Variants in USP40 observed in about 807,000 individuals in gnomAD.
USP40 encodes ubiquitin carboxyl-terminal hydrolase 40.
USP40 carries 143 observed loss-of-function variants against 166.2 expected under a neutral mutation model. The ratio of observed to expected loss-of-function variants is 0.86; its 90% CI spans 0.75 to 0.99. The LOEUF is 0.99. Among genes scored for constraint, USP40 ranks in the 50% least tolerant of loss-of-function variants. The pLI, the probability that USP40 is intolerant of heterozygous loss-of-function variation, is 0.00. For missense variants in USP40, 1,444 were observed against 1,479.7 expected (o/e 0.98, Z 0.40); for synonymous variants, 498 against 524.0 (o/e 0.95, Z 0.68).
chr2:233,511,819 T>G (rs757271913), intron 19 of USP40, 22 bp from the exon 20 acceptor site: 1 of 1,557,538 alleles, frequency 6.4e-7, no homozygotes. Context: ...TTTGATAATA[T>G]GATGAAGGTT....
At chr2:233,538,727 G>C (rs759973889) in intron 10 of USP40, among the ~76,000 whole-genome samples, 8 of 152,124 alleles carry the variant, frequency 5.3e-5, no homozygotes, top group Non-Finnish European at 1.2e-4. Flanking sequence ...CAGAGATAAA[G>C]ACAAGCATTT....
chr2:233,480,949 C>G lies in USP40; in HGVS notation c.3599+254G>C, dbSNP rs2064539826. Reference sequence around the variant, plus strand: ...AGGAGGAAGGAGGGGGACCGGGGGGCCATGGATCTGCGGGCTCCTCATCGT... The same window carrying G: ...AGGAGGAAGGAGGGGGACCGGGGGGGCATGGATCTGCGGGCTCCTCATCGT... On this transcript the variant is annotated intron_variant, in intron 31 of 31. Transcript: ENST00000678225. The surrounding 1 kb of genome is among the most constrained non-coding windows in gnomAD (Gnocchi z 4.5). Among the ~76,000 whole-genome samples the G allele has an allele frequency of 6.6e-6, 1 of 152,110 alleles. No homozygotes were observed. Among genetic ancestry groups the G allele is most frequent in the African/African-American group, 2.4e-5 (1 of 41,398 alleles).
intron 11 of USP40, among the ~76,000 whole-genome samples, chr2:233,531,805 A>G (rs1217602314): frequency 1.3e-5 from 2 of 152,220 alleles, no homozygotes; most frequent in Non-Finnish European, 2.9e-5. Flanking sequence ...GTCTCAATCT[A>G]TAAAGCTTTT....
chr2:233,491,251 C>G lies in USP40; in HGVS notation c.2928G>C (p.Gly976=). Residue 976 remains glycine (G), a synonymous_variant, in exon 26 of 32, where the codon GGG becomes GGC. Transcript: ENST00000678225. ...GGAGAGAAACTTGCGCAGGCTCGTT[C>G]CCAGAAGCACCTTCCAAAGGACAGA... ...WRATSSQGAS[G]NEPAQVSLLY... 1.2e-6 allele frequency: 2 copies of G among 1,610,998 alleles called. No individual in the cohort carries two copies. The highest frequency in any genetic ancestry group is 1.1e-5 in the South Asian group (1 of 90,140).
intron 21 of USP40, among the ~76,000 whole-genome samples, chr2:233,506,712 T>G (rs933881779): frequency 7.5e-6 from 1 of 133,218 alleles, no homozygotes; most frequent in Non-Finnish European, 1.5e-5. Flanking sequence ...CTGGGCAACA[T>G]GGTGAGACAC....
intron 28 of USP40, among the ~76,000 whole-genome samples, chr2:233,487,247 T>C (rs2065004572): frequency 6.6e-6 from 1 of 152,232 alleles, no homozygotes; most frequent in Non-Finnish European, 1.5e-5. Flanking sequence ...CCTGAACTTA[T>C]TAGTCATCAA....
At chr2:233,489,999 C>T (rs529296707) in intron 26 of USP40, 2 of 153,192 alleles carry the variant, frequency 1.3e-5, no homozygotes, top group East Asian at 1.9e-4. Flanking sequence ...CACTTTAAGC[C>T]CCTACTGATA....
intron 16 of USP40, among the ~76,000 whole-genome samples, chr2:233,521,348 C>T (rs2067642779): frequency 6.6e-6 from 1 of 152,184 alleles, no homozygotes; most frequent in South Asian, 2.1e-4. Flanking sequence ...ACATTTTTCA[C>T]AGAGAACTTC....
At chr2:233,560,957 C>T (rs751102661) in intron 3 of USP40, 4 of 710,042 alleles carry the variant, frequency 5.6e-6, no homozygotes, top group Non-Finnish European at 1.0e-5. Context: ...AAAGCAGTAG[C>T]AGTATTGTAC....
chr2:233,555,925 T>C (rs554655509), intron 5 of USP40, among the ~76,000 whole-genome samples: 36 of 151,928 alleles, frequency 2.4e-4, no homozygotes, highest in African/African-American at 7.5e-4. Flanking sequence ...CCATCCTGGC[T>C]AACATGGTGA....
chr2:233,512,546 T>C, intron 19 of USP40, 23 bp downstream of exon 19: 13 of 1,553,286 alleles, frequency 8.4e-6, no homozygotes, highest in Non-Finnish European at 1.1e-5. Context: ...AGCCACCTTT[T>C]GAAAGTTATC....
In USP40 at chr2:233,511,562, C is replaced by T. The variant is rs568878110; in HGVS notation, c.2526+147G>A. The T allele has an allele frequency of 9.6e-5, 53 of 549,950 alleles. No individual in the cohort carries two copies. The South Asian group carries it at 1.5e-3, about 15-fold the overall frequency. 34.1% of individuals were successfully genotyped at this position (549,950 alleles called of 1,614,324 possible). On this transcript the variant is annotated intron_variant, in intron 20 of 31. Transcript: ENST00000678225. Reference sequence around the variant, plus strand: ...ATATTTTATATTTAAACATCTAGAACTATAAGGATATATTCCTAAAATAAA... The same window carrying T: ...ATATTTTATATTTAAACATCTAGAATTATAAGGATATATTCCTAAAATAAA...
intron 17 of USP40, 75 bp downstream of exon 17, chr2:233,520,916 T>C: frequency 6.7e-7 from 1 of 1,500,414 alleles, no homozygotes. Context: ...TTCTGAAAGA[T>C]TAAGGTATTG....
intron 12 of USP40, 32 bp from the exon 13 acceptor site, chr2:233,527,610 G>A: frequency 6.5e-7 from 1 of 1,536,604 alleles, no homozygotes; most frequent in East Asian, 2.3e-5. Context: ...CATAAATACT[G>A]TGTTTTTATA....
At chr2:233,510,010 C>T (rs1263918346) in intron 21 of USP40, 39 bp downstream of exon 21, 1 of 1,481,774 alleles carries the variant, frequency 6.7e-7, no homozygotes, top group Non-Finnish European at 9.2e-7. Context: ...AACATACAAA[C>T]ACACACAGCC....
rs763409088 is a variant in USP40 at position 233,493,469 on chromosome 2, C to T, written c.2873G>A (p.Cys958Tyr). 5.0e-6 allele frequency: 8 copies of T among 1,613,950 alleles called. No individual in the cohort carries two copies. Among genetic ancestry groups the T allele is most frequent in the Non-Finnish European group, 5.9e-6 (7 of 1,179,868 alleles). Residue 958 changes from cysteine (C) to tyrosine (Y), a missense_variant, in exon 25 of 32, where the codon TGT (cysteine) becomes TAT (tyrosine). Physicochemically the swap from Cys to Tyr is radical, Grantham distance 194. Transcript: ENST00000678225. The surrounding 1 kb of genome is among the most constrained non-coding windows in gnomAD (Gnocchi z 4.7). ...HWESHQDQTN[C>Y]TSSWGRVWRA... Reference sequence around the variant, plus strand: ...CCAAACTCTGCCCCAAGACGAAGTACAGTTGGTCTGGTCCTGATGACTCTC... The same window carrying T: ...CCAAACTCTGCCCCAAGACGAAGTATAGTTGGTCTGGTCCTGATGACTCTC...
chr2:233,527,237 C>T (rs1386111235), intron 13 of USP40, among the ~76,000 whole-genome samples, 170 bp downstream of exon 13: 2 of 152,168 alleles, frequency 1.3e-5, no homozygotes, highest in Admixed American at 6.5e-5. Flanking sequence ...AAAAGCCTCT[C>T]TAAAAGACTT....
At position 233,475,745 on chromosome 2, in the gene USP40, G is replaced by T. The variant is rs1238948431; in HGVS notation, c.*1647C>A. On this transcript the variant is annotated 3_prime_UTR_variant, in exon 32 of 32. Coordinates refer to ENST00000678225, the MANE Select transcript of USP40 (RefSeq NM_001365479.2). ...TCCGCGAGGCTTCTGGCCTCTCGAA[G>T]GCAAAGCTTTTCAGCGATTTCATTA... 1 of 152,384 alleles carries T rather than the reference G, an allele frequency of 6.6e-6. No individual in the cohort carries two copies. The highest frequency in any genetic ancestry group is 6.5e-5 in the Admixed American group (1 of 15,290). 9.4% of individuals were successfully genotyped at this position (152,384 alleles called of 1,614,324 possible).
chr2:233,494,955 T>C (rs369355138), intron 24 of USP40, among the ~76,000 whole-genome samples: 1 of 25,076 alleles, frequency 4.0e-5, no homozygotes, highest in African/African-American at 2.8e-4. Context: ...TATATATATA[T>C]TTATATATAT....
Sources: gnomAD v4.1 joint callset for allele counts (sites outside exome capture counted in the v4.1 genomes callset) on GRCh38, gnomAD v4.1.1 for gene constraint, Gnocchi (gnomAD v3.1) non-coding constraint, MANE v1.5 for transcripts, NCBI Gene and HGNC (gene_info 2026-07-23, HGNC 2026-07-21) for gene names.